Variants in ALDH4A1 observed in about 807,000 individuals in gnomAD.
ALDH4A1 encodes delta-1-pyrroline-5-carboxylate dehydrogenase, mitochondrial.
Under a neutral mutation model 70.5 loss-of-function variants are expected in ALDH4A1, and 46 were observed. The ratio of observed to expected loss-of-function variants is 0.65; its 90% CI spans 0.51 to 0.83. ALDH4A1 has a LOEUF of 0.83. Ranked by LOEUF, ALDH4A1 falls within the 40% of genes least tolerant of loss-of-function variation. The probability of loss-of-function intolerance (pLI) is 0.00; values close to 1 mark genes in which losing one functional copy is unlikely to be tolerated. For synonymous variants in ALDH4A1, 323 were observed against 324.3 expected, an observed-to-expected ratio of 1.00 and a Z score of 0.04; for missense variants, 749 against 766.5, an observed-to-expected ratio of 0.98 and a Z score of 0.27.
At chr1:18,897,808 A>G (rs976734405) in intron 1 of ALDH4A1, among the ~76,000 whole-genome samples, 1 of 152,150 alleles carries the variant, frequency 6.6e-6, no homozygotes, top group African/African-American at 2.4e-5. Context: ...CTCACCATAC[A>G]GCTAGAACCT....
Position 18,880,192 on chromosome 1 carries a change from G to C in ALDH4A1, c.867-819C>G, listed in dbSNP as rs559188869. Among the ~76,000 whole-genome samples the C allele has an allele frequency of 6.2e-4, 94 of 152,200 alleles. No homozygotes were observed. The highest frequency in any genetic ancestry group is 2.7e-3 in the Admixed American group (41 of 15,298). On this transcript the variant is annotated intron_variant, in intron 8 of 14. Transcript: ENST00000375341. This position sits in a 1 kb window ranked among gnomAD's most constrained non-coding sequence, Gnocchi z 5.1. ...CACCCCCAGCAAAGCTGCGGGGAAGGGGGTGGCAGAGCCTGGGGCCTGGAA... is the reference window on the plus strand; with the variant it reads ...CACCCCCAGCAAAGCTGCGGGGAAGCGGGTGGCAGAGCCTGGGGCCTGGAA...
chr1:18,891,579 T>C (rs1935432451), intron 1 of ALDH4A1, among the ~76,000 whole-genome samples: 1 of 152,092 alleles, frequency 6.6e-6, no homozygotes, highest in Non-Finnish European at 1.5e-5. Flanking sequence ...GCAGGGTGAC[T>C]TGGGGAGGGT....
At chr1:18,894,537 C>G (rs1013229058) in intron 1 of ALDH4A1, among the ~76,000 whole-genome samples, 1 of 152,172 alleles carries the variant, frequency 6.6e-6, no homozygotes, top group Non-Finnish European at 1.5e-5. Context: ...AGCAAGACTC[C>G]ATCTCAAAAT....
intron 8 of ALDH4A1, 119 bp downstream of exon 8, chr1:18,881,581 G>C: frequency 9.1e-7 from 1 of 1,095,350 alleles, no homozygotes; most frequent in African/African-American, 1.5e-5. Context: ...CACACAGCAA[G>C]TAAGGGAGTA....
intron 3 of ALDH4A1, 95 bp from the exon 4 acceptor site, chr1:18,886,606 C>T (rs1935213600): frequency 7.7e-7 from 1 of 1,301,828 alleles, no homozygotes; most frequent in South Asian, 1.2e-5. Flanking sequence ...CCAGGAAAGT[C>T]CTGGACACGC....
chr1:18,896,025 C>T (rs748826771), intron 1 of ALDH4A1, among the ~76,000 whole-genome samples: 8 of 152,108 alleles, frequency 5.3e-5, no homozygotes, highest in African/African-American at 9.7e-5. Flanking sequence ...TGGTGCAATC[C>T]GGTCACCCCG....
chr1:18,897,595 G>A (rs932142667), intron 1 of ALDH4A1, among the ~76,000 whole-genome samples: 1 of 152,248 alleles, frequency 6.6e-6, no homozygotes, highest in Non-Finnish European at 1.5e-5. Context: ...CATTTCAGAT[G>A]AGGGACACTC....
At chr1:18,902,368 G>A in intron 1 of ALDH4A1, 94 bp downstream of exon 1, 2 of 1,093,490 alleles carry the variant, frequency 1.8e-6, no homozygotes, top group Non-Finnish European at 2.4e-6. Context: ...GGGTCCGGCA[G>A]GGAGGGAGTG....
At chr1:18,894,237 A>G (rs1346023595) in intron 1 of ALDH4A1, among the ~76,000 whole-genome samples, 1 of 152,164 alleles carries the variant, frequency 6.6e-6, no homozygotes, top group Non-Finnish European at 1.5e-5. Context: ...ACCATATTCC[A>G]TCCCCAGGTT....
At chr1:18,883,454 G>C (rs1935071434) in intron 5 of ALDH4A1, 26 bp from the exon 6 acceptor site, 4 of 1,612,546 alleles carry the variant, frequency 2.5e-6, no homozygotes, top group Admixed American at 1.7e-5. Context: ...CCGGGGGTCA[G>C]GAGCAGCCAA....
At chr1:18,892,087 G>C (rs932563408) in intron 1 of ALDH4A1, among the ~76,000 whole-genome samples, 2 of 152,110 alleles carry the variant, frequency 1.3e-5, no homozygotes, top group African/African-American at 4.8e-5. Flanking sequence ...CATGGTCTCA[G>C]AGGGACGTGG....
intron 7 of ALDH4A1, among the ~76,000 whole-genome samples, chr1:18,882,145 C>T (rs912017607): frequency 1.3e-5 from 2 of 152,220 alleles, no homozygotes; most frequent in African/African-American, 4.8e-5. Flanking sequence ...CTGCACCAAC[C>T]GGTCCTGCCA....
intron 1 of ALDH4A1, among the ~76,000 whole-genome samples, chr1:18,902,062 G>C (rs1386987313): frequency 6.6e-6 from 1 of 152,152 alleles, no homozygotes. Flanking sequence ...CGAGGGTGGG[G>C]AAGTGAGATG....
At position 18,880,165 on chromosome 1, in the gene ALDH4A1, C is replaced by T. The variant is rs1446024533; in HGVS notation, c.867-792G>A. On this transcript the variant is annotated intron_variant, in intron 8 of 14. Transcript: ENST00000375341. This position sits in a 1 kb window ranked among gnomAD's most constrained non-coding sequence, Gnocchi z 5.1. Reference sequence around the variant, plus strand: ...AGTTCTAACGCTGCCACCACCCACTCCCACCCCCAGCAAAGCTGCGGGGAA... The same window carrying T: ...AGTTCTAACGCTGCCACCACCCACTTCCACCCCCAGCAAAGCTGCGGGGAA... 1.3e-5 allele frequency among the ~76,000 whole-genome samples: 2 copies of T among 152,096 alleles called. No individual in the cohort carries two copies. Among genetic ancestry groups the T allele is most frequent in the Non-Finnish European group, 2.9e-5 (2 of 67,994 alleles).
Position 18,885,431 on chromosome 1 carries a change from A to ACCCCCCCCCCCCCCCCCCCCCCCCC in ALDH4A1, c.453+41_453+42insGGGGGGGGGGGGGGGGGGGGGGGGG, listed in dbSNP as rs1553154222. ...CATGGGTAGGGCACACCTGACTCCC[A>ACCCCCCCCCCCCCCCCCCCCCCCCC]CCCCACCCCGCCCCACCCACCCGGG... is the stretch of plus-strand genomic sequence containing the variant. On this transcript the variant is annotated intron_variant, in intron 5 of 14. Coordinates refer to ENST00000375341, the MANE Select transcript of ALDH4A1 (RefSeq NM_003748.4). 1.1e-4 allele frequency: 51 copies of ACCCCCCCCCCCCCCCCCCCCCCCCC among 478,960 alleles called. 1 individual carries two copies. The highest frequency in any genetic ancestry group is 3.4e-4 in the East Asian group (8 of 23,260). The allele number at this position is 478,960 out of a possible 1,614,324, so 29.7% of individuals were successfully genotyped here.
At chr1:18,875,081 G>A (rs1934615537) in intron 13 of ALDH4A1, among the ~76,000 whole-genome samples, 1 of 152,226 alleles carries the variant, frequency 6.6e-6, no homozygotes, top group Non-Finnish European at 1.5e-5. Flanking sequence ...ACCTCACTCA[G>A]TGGGGCAACA....
At chr1:18,885,436 ACCCCG>A in intron 5 of ALDH4A1, 32 bp downstream of exon 5, 2 of 386,864 alleles carry the variant, frequency 5.2e-6, no homozygotes, top group Non-Finnish European at 8.7e-6. Flanking sequence ...CTCCCACCCC[ACCCCG>A]CCCCACCCAC....
intron 1 of ALDH4A1, among the ~76,000 whole-genome samples, chr1:18,901,227 C>G (rs987817328): frequency 1.3e-5 from 2 of 152,224 alleles, no homozygotes; most frequent in Non-Finnish European, 2.9e-5. Context: ...AGGAACCCCT[C>G]TGTCCCATGT....
chr1:18,890,611 G>A (rs747340057), intron 1 of ALDH4A1: 25 of 880,922 alleles, frequency 2.8e-5, no homozygotes, highest in Non-Finnish European at 3.4e-5. Flanking sequence ...CAGTCCCACG[G>A]TTGTGTGTCC....
Sources: allele counts gnomAD v4.1 joint callset (sites outside exome capture counted in the v4.1 genomes callset), GRCh38; gene constraint gnomAD v4.1.1; non-coding constraint Gnocchi (gnomAD v3.1); transcripts MANE v1.5; gene names NCBI Gene and HGNC (gene_info 2026-07-23, HGNC 2026-07-21).